Variants in ATP2B2 observed in about 807,000 individuals in gnomAD.
ATP2B2 encodes the protein plasma membrane calcium-transporting ATPase 2.
A neutral mutation model predicts 120.0 loss-of-function variants in ATP2B2; 15 were observed. The ratio of observed to expected loss-of-function variants is 0.12; its 90% confidence interval spans 0.08 to 0.19. The LOEUF is 0.19. Among genes scored for constraint, ATP2B2 ranks in the 10% least tolerant of loss-of-function variants. ATP2B2 has a pLI of 1.00. For missense variants in ATP2B2, 1,045 were observed against 1,719.8 expected (o/e 0.61, Z 6.94); for synonymous variants, 694 against 700.3 (o/e 0.99, Z 0.14).
At chr3:10,671,466 T>G (rs1290848785) in intron 1 of ATP2B2, among the ~76,000 whole-genome samples, 1 of 152,134 alleles carries the variant, frequency 6.6e-6, no homozygotes, top group Non-Finnish European at 1.5e-5. Context: ...TCGGCCCAGT[T>G]TCAGCCCCGA....
chr3:10,593,847 A>T (rs1186843502), intron 2 of ATP2B2, among the ~76,000 whole-genome samples: 2 of 151,864 alleles, frequency 1.3e-5, no homozygotes, highest in Non-Finnish European at 2.9e-5. Flanking sequence ...GAATCTACAA[A>T]GAACTCAAAC....
Position 10,660,633 on chromosome 3 carries a change from G to A in ATP2B2, c.-459-40672C>T, listed in dbSNP as rs543974345. Reference sequence around the variant, plus strand: ...GGCTTACCAACCAAAAAAAGTCCAGGACCAGACGGATTCACAGCCGAATTC... The same window carrying A: ...GGCTTACCAACCAAAAAAAGTCCAGAACCAGACGGATTCACAGCCGAATTC... On this transcript the variant is annotated intron_variant, in intron 1 of 21. Transcript: ENST00000646379. Among the ~76,000 whole-genome samples the A allele has an allele frequency of 3.2e-3, 481 of 152,284 alleles. 1 individual carries two copies. The highest frequency in any genetic ancestry group is 5.0e-3 in the Non-Finnish European group (339 of 68,024).
intron 3 of ATP2B2, among the ~76,000 whole-genome samples, chr3:10,525,011 G>A (rs2067062847): frequency 6.6e-6 from 1 of 152,206 alleles, no homozygotes; most frequent in Admixed American, 6.5e-5. Context: ...GGCAGGAGTG[G>A]AACGGTGACA....
At chr3:10,382,497 C>G (rs2125552327) in intron 8 of ATP2B2, among the ~76,000 whole-genome samples, 1 of 150,878 alleles carries the variant, frequency 6.6e-6, no homozygotes, top group East Asian at 2.0e-4. Context: ...CAGGTGCCCA[C>G]TACCATGACC....
chr3:10,622,382 C>A lies in ATP2B2; in HGVS notation c.-459-2421G>T, dbSNP rs561934378. Among the ~76,000 whole-genome samples the A allele has an allele frequency of 7.2e-5, 11 of 152,242 alleles. No homozygotes were observed. In the South Asian group the frequency reaches 1.9e-3, roughly 26 times the overall value. ...GGAGGATGGTTCTTGGATGTCACCACTGTTAAAATTTCATCTGCATTGACA... is the reference window on the plus strand; with the variant it reads ...GGAGGATGGTTCTTGGATGTCACCAATGTTAAAATTTCATCTGCATTGACA... On this transcript the variant is annotated intron_variant, in intron 1 of 21. Transcript: ENST00000646379.
intron 1 of ATP2B2, among the ~76,000 whole-genome samples, chr3:10,496,074 T>C (rs1432793188): frequency 6.6e-6 from 1 of 152,224 alleles, no homozygotes; most frequent in Non-Finnish European, 1.5e-5. Flanking sequence ...AGCTCAGAAA[T>C]CTGAAATTGG....
chr3:10,613,928 T>C (rs2069310589), intron 2 of ATP2B2, among the ~76,000 whole-genome samples: 1 of 152,030 alleles, frequency 6.6e-6, no homozygotes, highest in African/African-American at 2.4e-5. Context: ...TCCTTGATGT[T>C]CCCCAAACAT....
rs111254776 is a variant in ATP2B2 at position 10,576,733 on chromosome 3, G to A, written c.-414-42600C>T. Among the ~76,000 whole-genome samples, 1,128 of 152,126 alleles carry A rather than the reference G, an allele frequency of 7.4e-3. 4 individuals are homozygous for A. Among genetic ancestry groups the A allele is most frequent in the Middle Eastern group, 0.068 (20 of 294 alleles). ...CTTTTGAAGAGCTGGAGGGAATGAC[G>A]AGCTTGGCATAACGTGGGAGGCTGT... On this transcript the variant is annotated intron_variant, in intron 2 of 21. Coordinates refer to the ATP2B2 transcript ENST00000646379.
At position 10,495,063 on chromosome 3, in the gene ATP2B2, G is replaced by A. The variant is rs112412779; in HGVS notation, c.-320+10402C>T. Among the ~76,000 whole-genome samples the A allele has an allele frequency of 3.8e-3, 584 of 152,366 alleles. 6 individuals carry two copies. Among genetic ancestry groups the A allele is most frequent in the African/African-American group, 0.013 (554 of 41,590 alleles). ...ACCTTCAAGAGTCACCTGCTGTCTT[G>A]TAGGGAGGCAGGATAAAGACCAAGG... is the stretch of plus-strand genomic sequence containing the variant. On this transcript the variant is annotated intron_variant, in intron 1 of 22. Transcript: ENST00000360273.
At chr3:10,705,076 A>C (rs1449650064) in intron 1 of ATP2B2, among the ~76,000 whole-genome samples, 1 of 152,246 alleles carries the variant, frequency 6.6e-6, no homozygotes, top group East Asian at 1.9e-4. Flanking sequence ...TATAACAAAA[A>C]GATTTCCATG....
chr3:10,540,818 T>C (rs1006571494), intron 2 of ATP2B2, among the ~76,000 whole-genome samples: 4 of 151,434 alleles, frequency 2.6e-5, no homozygotes, highest in South Asian at 2.1e-4. Flanking sequence ...TGTATACATA[T>C]GTAACAAACC....
intron 2 of ATP2B2, among the ~76,000 whole-genome samples, chr3:10,591,858 C>T (rs1286085296): frequency 6.6e-6 from 1 of 152,186 alleles, no homozygotes; most frequent in Admixed American, 6.5e-5. Context: ...TCCTGACCTT[C>T]AATTCCAGGG....
intron 1 of ATP2B2, among the ~76,000 whole-genome samples, chr3:10,484,432 A>C (rs1266675775): frequency 6.6e-6 from 1 of 151,982 alleles, no homozygotes; most frequent in Non-Finnish European, 1.5e-5. Flanking sequence ...GGATGCCCTC[A>C]GTGTCTCCCC....
chr3:10,464,230 C>T (rs181012297), intron 1 of ATP2B2, among the ~76,000 whole-genome samples: 26 of 152,248 alleles, frequency 1.7e-4, no homozygotes, highest in Admixed American at 4.6e-4. Context: ...CACTCCCCAG[C>T]GCAGCCGAGT....
intron 1 of ATP2B2, among the ~76,000 whole-genome samples, chr3:10,649,620 T>C (rs568213996): frequency 1.3e-5 from 2 of 152,138 alleles, no homozygotes; most frequent in African/African-American, 4.8e-5. Context: ...GATGGGTGAA[T>C]GGACAGATGG....
intron 1 of ATP2B2, among the ~76,000 whole-genome samples, chr3:10,497,662 C>G (rs549617219): frequency 2.0e-5 from 3 of 152,198 alleles, no homozygotes; most frequent in African/African-American, 7.2e-5. Flanking sequence ...CTGGGTCACA[C>G]AGCATGGAAA....
Position 10,350,209 on chromosome 3 carries a change from G to A in ATP2B2, c.2317-10C>T, listed in dbSNP as rs367582864. Reference sequence around the variant, plus strand: ...TTCGCTCCTGCTCAATCTGGAGAGGGATGGGGAAGGGGGCGGGTCGGTGGG... The same window carrying A: ...TTCGCTCCTGCTCAATCTGGAGAGGAATGGGGAAGGGGGCGGGTCGGTGGG... On this transcript the variant is annotated splice_polypyrimidine_tract_variant and intron_variant, in intron 15 of 22. Coordinates refer to ENST00000360273, the MANE Select transcript of ATP2B2 (RefSeq NM_001001331.4). The A allele has an allele frequency of 8.8e-6, 7 of 797,936 alleles. No individual in the cohort carries two copies. Among genetic ancestry groups the A allele is most frequent in the African/African-American group, 1.8e-5 (1 of 56,106 alleles). The allele number at this position is 797,936 out of a possible 1,614,324, so 49.4% of individuals were successfully genotyped here.
At position 10,547,503 on chromosome 3, in the gene ATP2B2, C is replaced by T. The variant is rs952673089; in HGVS notation, c.-414-13370G>A. 1.7e-4 allele frequency among the ~76,000 whole-genome samples: 26 copies of T among 152,280 alleles called. No individual in the cohort carries two copies. In the East Asian group the frequency reaches 2.7e-3, roughly 16 times the overall value. On this transcript the variant is annotated intron_variant, in intron 2 of 21. Transcript: ENST00000646379. ...TTCCTAACAACAGCAACAACAGTAA[C>T]GACAATGGTCGTATCTCCCGCTCCA...
chr3:10,570,265 C>T (rs2068094497), intron 2 of ATP2B2: 1 of 152,202 alleles, frequency 6.6e-6, no homozygotes, highest in Non-Finnish European at 1.5e-5. Context: ...GGAAATTGAA[C>T]TAGACAGGTT....
Sources: allele counts gnomAD v4.1 joint callset (sites outside exome capture counted in the v4.1 genomes callset), GRCh38; gene constraint gnomAD v4.1.1; transcripts MANE v1.5; gene names NCBI Gene and HGNC (gene_info 2026-07-23, HGNC 2026-07-21).